Variants in C16orf74 observed in about 807,000 individuals in gnomAD.
C16orf74 encodes the protein calcimembrin.
Under a neutral mutation model 6.5 loss-of-function variants are expected in C16orf74, and 10 were observed. The observed-to-expected ratio is 1.54, with a 90% CI of 0.95 to 2.61. The LOEUF (loss-of-function observed/expected upper bound fraction) is 2.61. Among genes scored for constraint, C16orf74 ranks in the 30% most tolerant of loss-of-function variants. The pLI is 0.00. For missense variants in C16orf74, 141 were observed against 105.9 expected, an observed-to-expected ratio of 1.33 and a Z score of -1.45; for synonymous variants, 60 against 42.5, an observed-to-expected ratio of 1.41 and a Z score of -1.60.
intron 2 of C16orf74, among the ~76,000 whole-genome samples, chr16:85,713,358 G>A (rs1444552654): frequency 1.3e-5 from 2 of 152,076 alleles, no homozygotes; most frequent in Admixed American, 6.6e-5. Flanking sequence ...TGCAACCTCT[G>A]CCTCTCGGGT....
At chr16:85,735,879 T>C (rs1351599134) in intron 1 of C16orf74, among the ~76,000 whole-genome samples, 1 of 152,182 alleles carries the variant, frequency 6.6e-6, no homozygotes, top group Non-Finnish European at 1.5e-5. Flanking sequence ...GGCCCCTGCA[T>C]GCTCTTGACA....
At position 85,716,944 on chromosome 16, in the gene C16orf74, C is replaced by T. The variant is rs1598784387; in HGVS notation, c.29-6637G>A. Among the ~76,000 whole-genome samples, 5 of 152,308 alleles carry T rather than the reference C, an allele frequency of 3.3e-5. 1 individual carries two copies. The highest frequency in any genetic ancestry group is 3.3e-4 in the Admixed American group (5 of 15,304). ...TGTGCCTGCCTCGGGCTATTAAAAG[C>T]CTATTTCCTGAGCCTGGGATTCCAG... On this transcript the variant is annotated intron_variant, in intron 2 of 3. Coordinates refer to ENST00000284245, the MANE Select transcript of C16orf74 (RefSeq NM_206967.3).
In C16orf74 at chr16:85,709,880, C is replaced by G. The variant is rs181481474; in HGVS notation, c.172+284G>C. On this transcript the variant is annotated intron_variant, in intron 3 of 3. Coordinates refer to ENST00000284245, the MANE Select transcript of C16orf74 (RefSeq NM_206967.3). ...GCATCCATCAATTACCTTGGCTGGC[C>G]GGAGCCGCGGCGTGGCGGGCCAGCC... Among the ~76,000 whole-genome samples, 1,494 of 151,248 alleles carry G rather than the reference C, an allele frequency of 9.9e-3. 22 individuals are homozygous for G. The highest frequency in any genetic ancestry group is 0.034 in the African/African-American group (1,408 of 41,506).
At chr16:85,740,081 GCACCCGTAAT>G (rs1274268649) in intron 1 of C16orf74, among the ~76,000 whole-genome samples, 131 of 149,788 alleles carry the variant, frequency 8.7e-4, no homozygotes, top group Non-Finnish European at 1.4e-3. Flanking sequence ...GTGGTGGCAG[GCACCCGTAAT>G]CCCAGCTACT....
At chr16:85,721,106 A>C (rs2054078457) in intron 2 of C16orf74, among the ~76,000 whole-genome samples, 1 of 152,078 alleles carries the variant, frequency 6.6e-6, no homozygotes, top group Non-Finnish European at 1.5e-5. Flanking sequence ...GAAAAGAAAA[A>C]AATGAAGCCC....
chr16:85,740,827 C>CAAAA (rs57813380), intron 1 of C16orf74, among the ~76,000 whole-genome samples: 74,351 of 97,804 alleles, frequency 0.76, 31,615 homozygotes, highest in South Asian at 0.89. Context: ...GTGAGACCCT[C>CAAAA]AAAAAAAAAA....
At chr16:85,723,446 G>A (rs1284709311) in intron 2 of C16orf74, among the ~76,000 whole-genome samples, 2 of 152,000 alleles carry the variant, frequency 1.3e-5, no homozygotes, top group African/African-American at 4.8e-5. Context: ...TAAAAACAGA[G>A]GAAGCATGAA....
chr16:85,745,526 G>A (rs2054363873), intron 1 of C16orf74, among the ~76,000 whole-genome samples: 1 of 152,216 alleles, frequency 6.6e-6, no homozygotes, highest in African/African-American at 2.4e-5. Flanking sequence ...ACATAGCACT[G>A]ACTGTGAGGG....
chr16:85,725,732 T>A (rs1395785613), intron 2 of C16orf74, among the ~76,000 whole-genome samples: 2 of 152,034 alleles, frequency 1.3e-5, no homozygotes, highest in Non-Finnish European at 2.9e-5. Context: ...GCCTCCTGAG[T>A]AGCTGGCACT....
At chr16:85,709,991 G>A (rs897727029) in intron 3 of C16orf74, among the ~76,000 whole-genome samples, 173 bp downstream of exon 3, 1 of 152,248 alleles carries the variant, frequency 6.6e-6, no homozygotes, top group African/African-American at 2.4e-5. Flanking sequence ...GGCTGGCGCC[G>A]TGGCAGGGGG....
intron 2 of C16orf74, among the ~76,000 whole-genome samples, chr16:85,728,181 A>C (rs2054153072): frequency 6.6e-6 from 1 of 152,064 alleles, no homozygotes; most frequent in Admixed American, 6.6e-5. Context: ...TAAATAAAAC[A>C]CTAATAAATA....
chr16:85,733,706 C>A (rs906770758), intron 2 of C16orf74, among the ~76,000 whole-genome samples: 5 of 152,150 alleles, frequency 3.3e-5, no homozygotes, highest in African/African-American at 1.2e-4. Context: ...TAACCTCAGC[C>A]ACTCACAGAT....
At chr16:85,737,039 T>A (rs993143091) in intron 1 of C16orf74, among the ~76,000 whole-genome samples, 2 of 151,026 alleles carry the variant, frequency 1.3e-5, no homozygotes, top group Non-Finnish European at 2.9e-5. Context: ...TGAGACTTCA[T>A]CTCGAGAAAA....
At chr16:85,718,454 C>G (rs1027157487) in intron 2 of C16orf74, among the ~76,000 whole-genome samples, 5 of 152,230 alleles carry the variant, frequency 3.3e-5, no homozygotes, top group Non-Finnish European at 7.3e-5. Context: ...CCCCAAGGCA[C>G]CATCACACAC....
chr16:85,729,317 G>C (rs746381706), intron 2 of C16orf74, among the ~76,000 whole-genome samples: 2 of 152,204 alleles, frequency 1.3e-5, no homozygotes, highest in Non-Finnish European at 2.9e-5. Flanking sequence ...GATTTTCTTT[G>C]GCCTGTGGGA....
chr16:85,736,401 C>T (rs748989595), intron 1 of C16orf74, among the ~76,000 whole-genome samples: 1 of 152,078 alleles, frequency 6.6e-6, no homozygotes, highest in Non-Finnish European at 1.5e-5. Flanking sequence ...CCCAGGGATT[C>T]CTGTGCCTGC....
chr16:85,709,819 G>C (rs1487852595), intron 3 of C16orf74, among the ~76,000 whole-genome samples: 1 of 152,258 alleles, frequency 6.6e-6, no homozygotes, highest in Non-Finnish European at 1.5e-5. Flanking sequence ...CGGCCAACAA[G>C]ATGGAGCAGC....
At chr16:85,736,531 T>G (rs533823113) in intron 1 of C16orf74, among the ~76,000 whole-genome samples, 2 of 151,880 alleles carry the variant, frequency 1.3e-5, no homozygotes, top group East Asian at 3.9e-4. Context: ...AAGACATGGG[T>G]GGGAGATACC....
In C16orf74 at chr16:85,728,212, G is replaced by C. The variant is rs142442457; in HGVS notation, c.28+6978C>G. On this transcript the variant is annotated intron_variant, in intron 2 of 3. Coordinates refer to ENST00000284245, the MANE Select transcript of C16orf74 (RefSeq NM_206967.3). ...AAATAAATAACAATGGATTTGTATT[G>C]ATTGGTTTGCTGTAACGAGTGGACC... 4.7e-3 allele frequency among the ~76,000 whole-genome samples: 722 copies of C among 152,268 alleles called. 8 individuals carry two copies. Among genetic ancestry groups the C allele is most frequent in the African/African-American group, 0.017 (693 of 41,532 alleles).
Sources: allele counts gnomAD v4.1 joint callset (sites outside exome capture counted in the v4.1 genomes callset), GRCh38; gene constraint gnomAD v4.1.1; transcripts MANE v1.5; gene names NCBI Gene and HGNC (gene_info 2026-07-23, HGNC 2026-07-21).